FGFR1: variants seen among roughly 807,000 people sequenced by gnomAD.
FGFR1 encodes fibroblast growth factor receptor 1, also known as FGFR1/PLAG1 fusion.
Under a neutral mutation model 93.7 loss-of-function variants are expected in FGFR1, and 18 were observed. The ratio of observed to expected loss-of-function variants is 0.19; its 90% CI spans 0.13 to 0.28. The LOEUF is 0.28. Among genes scored for constraint, FGFR1 ranks in the 10% least tolerant of loss-of-function variants. The pLI, the probability that FGFR1 is intolerant of heterozygous loss-of-function variation, is 1.00. For missense variants in FGFR1, 731 were observed against 1,080.4 expected, an observed-to-expected ratio of 0.68 and a Z score of 4.53; for synonymous variants, 448 against 429.3, an observed-to-expected ratio of 1.04 and a Z score of -0.54.
At chr8:38,438,529 C>A (rs181143392) in intron 2 of FGFR1, among the ~76,000 whole-genome samples, 2 of 150,250 alleles carry the variant, frequency 1.3e-5, no homozygotes, top group Admixed American at 6.6e-5. Flanking sequence ...GGTGACAGAC[C>A]CAGACTCCGT....
chr8:38,464,173 G>A (rs1311881570), intron 1 of FGFR1, among the ~76,000 whole-genome samples: 18 of 151,982 alleles, frequency 1.2e-4, no homozygotes, highest in African/African-American at 2.4e-4. Context: ...AAAATTAGCC[G>A]GACATGGTGG....
At position 38,417,888 on chromosome 8, in the gene FGFR1, C is replaced by A. The variant is rs2150649494; in HGVS notation, c.1534G>T (p.Ala512Ser). Residue 512 changes from alanine to serine, a missense_variant, in exon 11 of 18, where the codon GCT becomes TCT. By Grantham distance (99) the Ala-to-Ser change is moderately conservative. Coordinates refer to ENST00000447712, the MANE Select transcript of FGFR1 (RefSeq NM_023110.3). Reference protein sequence around the residue: ...KDKPNRVTKVAVKMLKSDATE... With the variant: ...KDKPNRVTKVSVKMLKSDATE... Reference sequence around the variant, plus strand: ...CACTTACACTTCAACATCTTCACAGCCACTTTGGTCACACGGTTGGGTTTG... The same window carrying A: ...CACTTACACTTCAACATCTTCACAGACACTTTGGTCACACGGTTGGGTTTG... 6.2e-7 allele frequency: 1 copy of A among 1,614,222 alleles called. No homozygotes were observed. Among genetic ancestry groups the A allele is most frequent in the Non-Finnish European group, 8.5e-7 (1 of 1,180,040 alleles).
At chr8:38,430,073 C>T in intron 2 of FGFR1, 125 bp from the exon 3 acceptor site, 2 of 973,352 alleles carry the variant, frequency 2.1e-6, no homozygotes, top group South Asian at 3.3e-5. Flanking sequence ...CTGGGCATCA[C>T]TTACTGGAGG....
At chr8:38,417,478 G>C in intron 11 of FGFR1, 62 bp from the exon 12 acceptor site, 4 of 1,387,726 alleles carry the variant, frequency 2.9e-6, no homozygotes, top group South Asian at 2.3e-5. Context: ...TAAAGGCTAA[G>C]GGAGTGGGGT....
intron 1 of FGFR1, among the ~76,000 whole-genome samples, chr8:38,463,861 G>T (rs534531390): frequency 6.6e-6 from 1 of 152,212 alleles, no homozygotes; most frequent in East Asian, 1.9e-4. Context: ...CTACTCACAT[G>T]TTGAGAGGGC....
intron 7 of FGFR1, chr8:38,423,249 C>T: frequency 1.4e-6 from 1 of 739,132 alleles, no homozygotes. Flanking sequence ...TCCCGTGTAA[C>T]TTTCAGGCAG....
At chr8:38,422,704 T>C in intron 7 of FGFR1, 1 of 350,604 alleles carries the variant, frequency 2.9e-6, no homozygotes, top group Non-Finnish European at 5.2e-6. Flanking sequence ...GCCTGGCCTA[T>C]GGCCCCTTCT....
chr8:38,438,893 C>T (rs766100366), intron 2 of FGFR1, among the ~76,000 whole-genome samples: 10 of 152,138 alleles, frequency 6.6e-5, no homozygotes, highest in Non-Finnish European at 1.3e-4. Context: ...CTCATTTCCT[C>T]AAGCCCATAG....
intron 11 of FGFR1, 26 bp downstream of exon 11, chr8:38,417,844 T>C (rs754772330): frequency 5.0e-6 from 8 of 1,614,084 alleles, no homozygotes; most frequent in Non-Finnish European, 6.8e-6. Flanking sequence ...CAAGATTTTC[T>C]TTGCAAGGAC....
chr8:38,437,996 T>C (rs1826013279), intron 2 of FGFR1, among the ~76,000 whole-genome samples: 2 of 152,232 alleles, frequency 1.3e-5, no homozygotes, highest in Non-Finnish European at 2.9e-5. Flanking sequence ...CCTTCCCATA[T>C]ATTATCTAGG....
rs2150920041 is a variant in FGFR1, at chr8:38,428,087, G to A, written c.455C>T (p.Ala152Val). 7 of 1,614,194 alleles carry A rather than the reference G, an allele frequency of 4.3e-6. No homozygotes were observed. The highest frequency in any genetic ancestry group is 1.3e-5 in the African/African-American group (1 of 75,074). ...DNTKPNRMPV[A>V]PYWTSPEKME... ...CTTTTCTGGGGATGTCCAATATGGA[G>A]CTACGGCTGCCCGGGGAAAGCCAAG... is the stretch of plus-strand genomic sequence containing the variant. The change falls in exon 5 of 18, where the codon GCT becomes GTT. Residue 152 changes from alanine (A) to valine (V), a missense_variant. Around this residue, in one of 10 missense-constraint regions of FGFR1, gnomAD observed 212 missense variants for 205.8 expected, o/e 1.03. Coordinates refer to ENST00000447712, the MANE Select transcript of FGFR1 (RefSeq NM_023110.3).
chr8:38,427,573 C>A (rs1228708240), intron 5 of FGFR1, among the ~76,000 whole-genome samples: 1 of 152,196 alleles, frequency 6.6e-6, no homozygotes, highest in East Asian at 1.9e-4. Flanking sequence ...AGCCACCATG[C>A]CCAGCCAAAT....
At chr8:38,427,031 T>G (rs1302101618) in intron 5 of FGFR1, among the ~76,000 whole-genome samples, 1 of 150,874 alleles carries the variant, frequency 6.6e-6, no homozygotes, top group African/African-American at 2.4e-5. Context: ...GGCATGAACC[T>G]GGGAGGTGGA....
chr8:38,460,350 A>T (rs1834092005), intron 1 of FGFR1, among the ~76,000 whole-genome samples: 1 of 152,208 alleles, frequency 6.6e-6, no homozygotes, highest in African/African-American at 2.4e-5. Flanking sequence ...CACCTGATGC[A>T]GGCCTGTCAC....
At chr8:38,441,109 G>A (rs1467066004) in intron 2 of FGFR1, among the ~76,000 whole-genome samples, 2 of 150,906 alleles carry the variant, frequency 1.3e-5, no homozygotes, top group South Asian at 2.1e-4. Context: ...CAAGACACGT[G>A]TAGAATCCCA....
intron 1 of FGFR1, among the ~76,000 whole-genome samples, chr8:38,464,379 T>C (rs949161406): frequency 6.6e-6 from 1 of 150,418 alleles, no homozygotes; most frequent in Admixed American, 6.6e-5. Context: ...CTAGAAAACC[T>C]TGCTCTTGAA....
chr8:38,414,419 G>C, intron 15 of FGFR1, 130 bp from the exon 16 acceptor site: 1 of 1,539,152 alleles, frequency 6.5e-7, no homozygotes, highest in Non-Finnish European at 8.9e-7. Flanking sequence ...ATCTGGAGCA[G>C]AGGGAATGGC....
chr8:38,441,068 C>T (rs1827275846), intron 2 of FGFR1, among the ~76,000 whole-genome samples: 1 of 148,702 alleles, frequency 6.7e-6, no homozygotes, highest in Non-Finnish European at 1.5e-5. Context: ...CCCCGAGACC[C>T]CCCAAAAACA....
chr8:38,462,011 C>A (rs938950768), intron 1 of FGFR1, among the ~76,000 whole-genome samples: 7 of 152,158 alleles, frequency 4.6e-5, no homozygotes, highest in Admixed American at 2.0e-4. Flanking sequence ...GTGGCCCACA[C>A]AGTGGCCACT....
Sources: gnomAD v4.1 joint callset for allele counts (sites outside exome capture counted in the v4.1 genomes callset) on GRCh38, gnomAD v4.1.1 for gene constraint, gnomAD v4.1.1 regional missense constraint, MANE v1.5 for transcripts, NCBI Gene and HGNC (gene_info 2026-07-23, HGNC 2026-07-21) for gene names.